The following DHRSX variants were observed in gnomAD, a reference collection of about 807,000 sequenced individuals.
DHRSX encodes the protein polyprenol dehydrogenase.
DHRSX carries 31 observed loss-of-function variants against 34.0 expected under a neutral mutation model. That is an observed-to-expected ratio of 0.91 (90% confidence interval 0.69 to 1.23). The LOEUF (loss-of-function observed/expected upper bound fraction) is 1.23. DHRSX is among the 50% of genes most tolerant of loss of function. DHRSX has a pLI of 0.00. For missense variants in DHRSX, 414 were observed against 428.1 expected, an observed-to-expected ratio of 0.97 and a Z score of 0.29; for synonymous variants, 201 against 183.8, an observed-to-expected ratio of 1.09 and a Z score of -0.76.
chrX:2,322,769 C>T (rs1279057290), intron 3 of DHRSX, among the ~76,000 whole-genome samples: 5 of 151,702 alleles, frequency 3.3e-5, no homozygotes, highest in Admixed American at 6.6e-5. Context: ...ATATGTTAAT[C>T]GACTTTATGG....
chrX:2,412,046 A>G (rs761518365), intron 2 of DHRSX, among the ~76,000 whole-genome samples: 1 of 152,252 alleles, frequency 6.6e-6, no homozygotes, highest in South Asian at 2.1e-4. Flanking sequence ...ACCTGGAGGG[A>G]GCTGCTTTAA....
At chrX:2,354,515 G>A (rs2042825201) in intron 3 of DHRSX, among the ~76,000 whole-genome samples, 1 of 152,200 alleles carries the variant, frequency 6.6e-6, no homozygotes. Flanking sequence ...AGGCTGGAGT[G>A]CAGTGGCGCA....
At chrX:2,311,627 G>A (rs750652355) in intron 3 of DHRSX, among the ~76,000 whole-genome samples, 9 of 152,142 alleles carry the variant, frequency 5.9e-5, no homozygotes, top group African/African-American at 1.9e-4. Context: ...AAAGGCTTTC[G>A]AAGACAAGGC....
At chrX:2,265,769 G>A (rs754892679) in intron 5 of DHRSX, among the ~76,000 whole-genome samples, 15 of 136,708 alleles carry the variant, frequency 1.1e-4, no homozygotes, top group Non-Finnish European at 1.7e-4. Flanking sequence ...CTTGGCAGAC[G>A]CAGGGAGCAC....
intron 5 of DHRSX, among the ~76,000 whole-genome samples, chrX:2,252,689 C>T (rs2016460497): frequency 6.6e-6 from 1 of 152,074 alleles, no homozygotes; most frequent in Non-Finnish European, 1.5e-5. Context: ...GGTGTGGGGG[C>T]AGGCGAAAAG....
At chrX:2,226,290 G>A (rs1017157131) in intron 6 of DHRSX, among the ~76,000 whole-genome samples, 5 of 152,212 alleles carry the variant, frequency 3.3e-5, no homozygotes, top group African/African-American at 9.6e-5. Flanking sequence ...AGAGACTTCA[G>A]GAGCATGAGC....
At chrX:2,426,489 TCTTTC>T (rs1010590667) in intron 1 of DHRSX, among the ~76,000 whole-genome samples, 1 of 139,064 alleles carries the variant, frequency 7.2e-6, no homozygotes, top group African/African-American at 2.6e-5. Flanking sequence ...CTTCCCTCCC[TCTTTC>T]CTTTCTTCAT....
At chrX:2,301,865 G>A (rs370492343) in intron 3 of DHRSX, among the ~76,000 whole-genome samples, 26 of 152,106 alleles carry the variant, frequency 1.7e-4, no homozygotes, top group African/African-American at 5.5e-4. Context: ...CTTGAACTCC[G>A]GACCTTGTGA....
At chrX:2,402,982 A>G (rs2124632593) in intron 3 of DHRSX, among the ~76,000 whole-genome samples, 1 of 148,728 alleles carries the variant, frequency 6.7e-6, no homozygotes, top group Admixed American at 6.8e-5. Flanking sequence ...TCCCAGATTC[A>G]AGCAATTCTC....
chrX:2,313,257 C>T (rs1394336029), intron 3 of DHRSX, among the ~76,000 whole-genome samples: 1 of 152,034 alleles, frequency 6.6e-6, no homozygotes, highest in Non-Finnish European at 1.5e-5. Context: ...ATCTGCCTGC[C>T]TCAGCCTACA....
intron 4 of DHRSX, among the ~76,000 whole-genome samples, chrX:2,275,441 A>G (rs764912206): frequency 6.6e-6 from 1 of 151,856 alleles, no homozygotes; most frequent in Admixed American, 6.6e-5. Flanking sequence ...CTCAGGAGGC[A>G]GAGGTTGCAG....
chrX:2,308,044 G>A (rs1402646976), intron 3 of DHRSX, among the ~76,000 whole-genome samples: 1 of 152,096 alleles, frequency 6.6e-6, no homozygotes, highest in Non-Finnish European at 1.5e-5. Context: ...TCCACCTGGA[G>A]TACCTTCAAC....
intron 6 of DHRSX, among the ~76,000 whole-genome samples, chrX:2,236,811 G>A (rs1478566491): frequency 5.3e-5 from 8 of 151,912 alleles, no homozygotes; most frequent in Admixed American, 1.3e-4. Flanking sequence ...TTGCTGCAGC[G>A]GAGACTGTAG....
intron 1 of DHRSX, chrX:2,486,290 C>CCCTGGAAAAAGTTGCT (rs1446307205): frequency 1.3e-5 from 2 of 151,916 alleles, no homozygotes; most frequent in Non-Finnish European, 2.9e-5. Context: ...ACCGTGGGTG[C>CCCTGGAAAAAGTTGCT]CCTGGAAAAA....
intron 1 of DHRSX, among the ~76,000 whole-genome samples, chrX:2,500,031 T>A (rs1003380341): frequency 3.3e-5 from 5 of 152,122 alleles, no homozygotes; most frequent in East Asian, 1.9e-4. Context: ...TTACAAAAAA[T>A]AATAATAATA....
At chrX:2,438,040 G>A (rs191800522) in intron 1 of DHRSX, among the ~76,000 whole-genome samples, 28 of 151,862 alleles carry the variant, frequency 1.8e-4, no homozygotes, top group African/African-American at 5.8e-4. Flanking sequence ...GGCCGGGCGC[G>A]GTGGCTCATG....
At chrX:2,314,602 T>C (rs2042220431) in intron 3 of DHRSX, among the ~76,000 whole-genome samples, 1 of 151,444 alleles carries the variant, frequency 6.6e-6, no homozygotes, top group Non-Finnish European at 1.5e-5. Flanking sequence ...GGAAATATAT[T>C]TTGGGGTTAA....
chrX:2,370,048 A>T (rs2043038649), intron 3 of DHRSX, among the ~76,000 whole-genome samples: 1 of 151,744 alleles, frequency 6.6e-6, no homozygotes, highest in South Asian at 2.1e-4. Flanking sequence ...CCTGCTCCTC[A>T]CTCTCCAAAG....
At chrX:2,496,535 A>G (rs932277005) in intron 1 of DHRSX, among the ~76,000 whole-genome samples, 2 of 152,176 alleles carry the variant, frequency 1.3e-5, no homozygotes, top group Admixed American at 1.3e-4. Flanking sequence ...CGTGCAGTGT[A>G]TACTGCTTGG....
Sources: allele counts gnomAD v4.1 joint callset (sites outside exome capture counted in the v4.1 genomes callset), GRCh38; gene constraint gnomAD v4.1.1; transcripts MANE v1.5; gene names NCBI Gene and HGNC (gene_info 2026-07-23, HGNC 2026-07-21).